The following ELMO1 variants were observed in gnomAD, a reference collection of about 807,000 sequenced individuals.
ELMO1 encodes engulfment and cell motility protein 1.
ELMO1 carries 26 observed loss-of-function variants against 98.9 expected under a neutral mutation model. The ratio of observed to expected loss-of-function variants is 0.26; its 90% CI spans 0.19 to 0.36. The LOEUF is 0.36. Ranked by LOEUF, ELMO1 falls within the 10% of genes least tolerant of loss-of-function variation. ELMO1 has a pLI of 1.00. For synonymous variants in ELMO1, 346 were observed against 346.0 expected, an observed-to-expected ratio of 1.00 and a Z score of 0.00; for missense variants, 627 against 935.2, an observed-to-expected ratio of 0.67 and a Z score of 4.30.
chr7:36,932,825 G>A (rs747517966), intron 16 of ELMO1, among the ~76,000 whole-genome samples: 15 of 152,180 alleles, frequency 9.9e-5, no homozygotes, highest in Non-Finnish European at 2.1e-4. Flanking sequence ...TCATCACTGA[G>A]TGTCCAAGCT....
chr7:37,221,459 C>T (rs1793591587), intron 10 of ELMO1, among the ~76,000 whole-genome samples: 1 of 152,086 alleles, frequency 6.6e-6, no homozygotes, highest in Admixed American at 6.5e-5. Context: ...ATATTCCCAC[C>T]CACTTTTTTA....
At chr7:37,305,051 A>T (rs1469165906) in intron 4 of ELMO1, among the ~76,000 whole-genome samples, 1 of 152,198 alleles carries the variant, frequency 6.6e-6, no homozygotes. Flanking sequence ...CAGAAGCTCT[A>T]AAGTTTTGTA....
intron 1 of ELMO1, among the ~76,000 whole-genome samples, chr7:37,354,224 A>G (rs1035938681): frequency 6.6e-6 from 1 of 152,186 alleles, no homozygotes; most frequent in Non-Finnish European, 1.5e-5. Flanking sequence ...GAGCAACTCA[A>G]TATTTTCCAG....
chr7:37,161,434 T>TA (rs1360795201), intron 13 of ELMO1, among the ~76,000 whole-genome samples: 6 of 152,108 alleles, frequency 3.9e-5, no homozygotes, highest in African/African-American at 1.4e-4. Flanking sequence ...TTTATCAACA[T>TA]AATCAGACAA....
intron 7 of ELMO1, among the ~76,000 whole-genome samples, chr7:37,237,640 T>C (rs1012941502): frequency 3.3e-5 from 5 of 152,224 alleles, no homozygotes; most frequent in African/African-American, 9.6e-5. Context: ...TTTAAAGCTA[T>C]GATAAATTGT....
At chr7:36,969,701 A>G (rs1789753842) in intron 16 of ELMO1, among the ~76,000 whole-genome samples, 1 of 152,112 alleles carries the variant, frequency 6.6e-6, no homozygotes, top group African/African-American at 2.4e-5. Context: ...ATTCTGGCTT[A>G]GAAAGTCTGG....
intron 15 of ELMO1, among the ~76,000 whole-genome samples, chr7:37,095,723 T>G (rs1584635672): frequency 6.6e-6 from 1 of 152,234 alleles, no homozygotes; most frequent in African/African-American, 2.4e-5. Flanking sequence ...TCCAATGTAA[T>G]CATCAGATTC....
intron 18 of ELMO1, among the ~76,000 whole-genome samples, chr7:36,884,146 T>C (rs6949542): frequency 0.074 from 11,266 of 151,792 alleles, 506 homozygotes; most frequent in South Asian, 0.17. Flanking sequence ...CATGGTGAAA[T>C]CCCATCTCTG....
At chr7:37,438,782 C>G (rs1169687869) in intron 1 of ELMO1, among the ~76,000 whole-genome samples, 2 of 152,174 alleles carry the variant, frequency 1.3e-5, no homozygotes, top group Non-Finnish European at 2.9e-5. Flanking sequence ...TAAGGAAGAT[C>G]ACTAACTTAC....
At chr7:37,345,683 G>T (rs1404360278) in intron 1 of ELMO1, among the ~76,000 whole-genome samples, 1 of 151,992 alleles carries the variant, frequency 6.6e-6, no homozygotes, top group African/African-American at 2.4e-5. Flanking sequence ...CACCAGCGTG[G>T]GCAACAGAGC....
At chr7:37,203,864 G>C (rs1344646549) in intron 13 of ELMO1, among the ~76,000 whole-genome samples, 3 of 151,608 alleles carry the variant, frequency 2.0e-5, no homozygotes, top group Non-Finnish European at 2.9e-5. Flanking sequence ...CCTCTCTGTC[G>C]ACCCTCGGCT....
chr7:37,330,797 C>T (rs1800061617), intron 2 of ELMO1, among the ~76,000 whole-genome samples: 1 of 152,140 alleles, frequency 6.6e-6, no homozygotes, highest in East Asian at 1.9e-4. Flanking sequence ...TTCACCTTTT[C>T]ACTTAAAGGA....
intron 13 of ELMO1, among the ~76,000 whole-genome samples, chr7:37,171,502 TTTTTTTTTGAGACAGAGTCTCGC>T: frequency 1.5e-5 from 2 of 131,118 alleles, no homozygotes; most frequent in East Asian, 4.4e-4. Flanking sequence ...TTTTTTTTTT[TTTTTTTTTGAGACAGAGTCTCGC>T]TCTGTCACCC....
intron 19 of ELMO1, among the ~76,000 whole-genome samples, chr7:36,873,356 G>A (rs1242531456): frequency 6.6e-6 from 1 of 152,158 alleles, no homozygotes; most frequent in African/African-American, 2.4e-5. Flanking sequence ...AGCCAGGCTA[G>A]CATTTTGATG....
chr7:37,293,456 A>C (rs1797858579), intron 4 of ELMO1, among the ~76,000 whole-genome samples: 1 of 91,510 alleles, frequency 1.1e-5, no homozygotes. Flanking sequence ...TGCTGTATCC[A>C]CTCAGGGTTG....
intron 16 of ELMO1, among the ~76,000 whole-genome samples, chr7:36,957,477 C>T (rs112397279): frequency 0.059 from 8,817 of 148,388 alleles, 705 homozygotes; most frequent in African/African-American, 0.22. Context: ...TTACCCTTCC[C>T]TCTCTTTATC....
At chr7:36,950,086 T>G (rs1401639609) in intron 16 of ELMO1, among the ~76,000 whole-genome samples, 1 of 152,058 alleles carries the variant, frequency 6.6e-6, no homozygotes, top group Non-Finnish European at 1.5e-5. Context: ...TTTTCAGCAT[T>G]TAAATCTAGA....
chr7:36,977,412 G>C (rs1440906020), intron 16 of ELMO1, among the ~76,000 whole-genome samples: 1 of 152,222 alleles, frequency 6.6e-6, no homozygotes, highest in Non-Finnish European at 1.5e-5. Context: ...GACAGAGACA[G>C]ATCACCACAC....
chr7:37,434,756 C>G (rs1235723611), intron 1 of ELMO1, among the ~76,000 whole-genome samples: 1 of 152,218 alleles, frequency 6.6e-6, no homozygotes, highest in Non-Finnish European at 1.5e-5. Context: ...GTTCCTGCAA[C>G]ATCCAAGGTC....
Sources: allele counts gnomAD v4.1 joint callset (sites outside exome capture counted in the v4.1 genomes callset), GRCh38; gene constraint gnomAD v4.1.1; transcripts MANE v1.5; gene names NCBI Gene and HGNC (gene_info 2026-07-23, HGNC 2026-07-21).